KCNC4: variants seen among roughly 807,000 people sequenced by gnomAD.
KCNC4 encodes the protein voltage-gated potassium channel KCNC4.
Under a neutral mutation model 42.8 loss-of-function variants are expected in KCNC4, and 23 were observed. The ratio of observed to expected loss-of-function variants is 0.54; its 90% CI spans 0.39 to 0.76. The LOEUF is 0.76. Ranked by LOEUF, KCNC4 falls within the 30% of genes least tolerant of loss-of-function variation. KCNC4 has a pLI of 0.00. For synonymous variants in KCNC4, 422 were observed against 393.5 expected (o/e 1.07, Z -0.86); for missense variants, 751 against 898.2 (o/e 0.84, Z 2.10).
rs568825455 is a variant in KCNC4 at position 110,260,856 on chromosome 1, G to C, written n.31-21678G>C. Among the ~76,000 whole-genome samples the C allele has an allele frequency of 6.6e-5, 10 of 152,326 alleles. No homozygotes were observed. The East Asian group carries it at 1.2e-3, about 18-fold the overall frequency. Reference sequence around the variant, plus strand: ...GAGGGAGGAGAATGGTGTGAACCGGGGAGGCGGAGCTTGCAGTGAGCCGAG... The same window carrying C: ...GAGGGAGGAGAATGGTGTGAACCGGCGAGGCGGAGCTTGCAGTGAGCCGAG... On this transcript the variant is annotated intron_variant and non_coding_transcript_variant, in intron 1 of 2. Coordinates refer to the KCNC4 transcript ENST00000412512.
chr1:110,210,471 C>A lies in KCNC4; in HGVS notation c.-1029C>A, dbSNP rs918936621. ...GGCGCCCCGCCCGGAGATGGGCAGA[C>A]GCGTAGATGGCGTGGCTCCCAGCGC... On this transcript the variant is annotated 5_prime_UTR_variant, in exon 1 of 4. Coordinates refer to ENST00000438661, the MANE Select transcript of KCNC4 (RefSeq NM_001039574.3). Among the ~76,000 whole-genome samples, 37 of 151,374 alleles carry A rather than the reference C, an allele frequency of 2.4e-4. No individual in the cohort carries two copies. The highest frequency in any genetic ancestry group is 4.1e-4 in the Non-Finnish European group (28 of 67,758).
chr1:110,223,515 C>T lies in KCNC4; in HGVS notation c.1230C>T (p.Ser410=), dbSNP rs371173482. The change falls in exon 2 of 4, where the codon TCC becomes TCT. Residue 410 remains serine, a synonymous_variant. Coordinates refer to ENST00000438661, the MANE Select transcript of KCNC4 (RefSeq NM_001039574.3). The surrounding 1 kb of genome is among the most constrained non-coding windows in gnomAD (Gnocchi z 7.5). ...YYAERIGARP[S]DPRGNDHTDF... ...CTGAGCGCATTGGGGCCAGGCCCTC[C>T]GACCCTCGGGGTAATGACCACACCG... 41 of 1,613,790 alleles carry T rather than the reference C, an allele frequency of 2.5e-5. 1 individual carries two copies. The highest frequency in any genetic ancestry group is 1.4e-4 in the South Asian group (13 of 91,084).
chr1:110,237,003 C>T (rs866487900), downstream of KCNC4: 1 of 151,364 alleles, frequency 6.6e-6, no homozygotes, highest in African/African-American at 2.4e-5. Flanking sequence ...CTGTTGTTTC[C>T]CTTGCTATTA....
chr1:110,270,604 A>T (rs1659618499), intron 1 of KCNC4, among the ~76,000 whole-genome samples: 1 of 152,188 alleles, frequency 6.6e-6, no homozygotes, highest in Non-Finnish European at 1.5e-5. Flanking sequence ...ACAAACCAGG[A>T]GGCTGAGCGA....
intron 2 of KCNC4, chr1:110,282,725 C>T (rs17025579): frequency 0.023 from 3,484 of 152,314 alleles, 74 homozygotes; most frequent in South Asian, 0.069. Flanking sequence ...GGGGATGGCC[C>T]TTGCTTGGCT....
chr1:110,273,513 G>A (rs1659670094), intron 1 of KCNC4, among the ~76,000 whole-genome samples: 1 of 152,184 alleles, frequency 6.6e-6, no homozygotes, highest in Non-Finnish European at 1.5e-5. Flanking sequence ...GCCGAGCCTG[G>A]CACTCAAAAA....
intron 1 of KCNC4, among the ~76,000 whole-genome samples, chr1:110,257,551 T>C (rs974980856): frequency 1.2e-4 from 17 of 139,140 alleles, no homozygotes; most frequent in Non-Finnish European, 2.4e-4. Flanking sequence ...CTGTCTCTAC[T>C]AAAAATACAA....
chr1:110,271,223 G>GT (rs1213332387), intron 1 of KCNC4, among the ~76,000 whole-genome samples: 1 of 152,210 alleles, frequency 6.6e-6, no homozygotes, highest in Non-Finnish European at 1.5e-5. Flanking sequence ...ATTCCTGGAG[G>GT]TGAGTATAGC....
chr1:110,211,605 GAGA>G lies in KCNC4; in HGVS notation c.110_112del (p.Lys37del), dbSNP rs773807471. 6.2e-7 allele frequency: 1 copy of G among 1,614,062 alleles called. No homozygotes were observed. Among genetic ancestry groups the G allele is most frequent in the Admixed American group, 1.7e-5 (1 of 60,030 alleles). ...GGAGATGGCCAAGGGCGAGGCGTCG[GAGA>G]AGATCATCATCAACGTGGGCGGCAC... On this transcript the variant is annotated inframe_deletion, in exon 1 of 4. Transcript: ENST00000438661. The surrounding 1 kb of genome is among the most constrained non-coding windows in gnomAD (Gnocchi z 6.5).
intron 1 of KCNC4, among the ~76,000 whole-genome samples, chr1:110,218,776 G>A (rs962014022): frequency 6.6e-6 from 1 of 152,178 alleles, no homozygotes; most frequent in African/African-American, 2.4e-5. Context: ...ACATTTCTAG[G>A]GACAGTCCAA....
At chr1:110,228,584 G>A (rs961900535) in intron 3 of KCNC4, 2 of 152,708 alleles carry the variant, frequency 1.3e-5, no homozygotes, top group African/African-American at 2.4e-5. Context: ...GCTGGAACCA[G>A]CCTGGGGCTG....
chr1:110,218,857 A>G (rs1657945157), intron 1 of KCNC4, among the ~76,000 whole-genome samples: 1 of 152,168 alleles, frequency 6.6e-6, no homozygotes, highest in African/African-American at 2.4e-5. Context: ...TGAGTTTTCA[A>G]CAGGACACAG....
exon 4 of KCNC4, chr1:110,240,569 G>A (rs1271668289): frequency 6.6e-6 from 1 of 152,342 alleles, no homozygotes; most frequent in East Asian, 1.9e-4. Flanking sequence ...TTGGCTCAGA[G>A]ACAGGTGCCC....
At position 110,281,555 on chromosome 1, in the gene KCNC4, A is replaced by ACACACACACACACAC. The variant is rs71752517; in HGVS notation, n.31-979_31-978insCACACACACACACAC. ...TTATCTGACTCCCCACATATGTAAA[A>ACACACACACACACAC]ACACACACACACACACACACACACA... On this transcript the variant is annotated intron_variant and non_coding_transcript_variant, in intron 1 of 2. Transcript: ENST00000412512. 2.7e-3 allele frequency among the ~76,000 whole-genome samples: 377 copies of ACACACACACACACAC among 140,422 alleles called. 5 individuals carry two copies. The highest frequency in any genetic ancestry group is 9.1e-3 in the African/African-American group (339 of 37,080). 92.1% of individuals were successfully genotyped at this position (140,422 alleles called of 152,430 possible).
chr1:110,274,092 T>A (rs1659679202), intron 1 of KCNC4, among the ~76,000 whole-genome samples: 1 of 152,178 alleles, frequency 6.6e-6, no homozygotes, highest in Non-Finnish European at 1.5e-5. Flanking sequence ...TAGAAAGCCC[T>A]AAAGACTCCT....
chr1:110,250,540 A>G (rs1659232744), downstream of KCNC4, among the ~76,000 whole-genome samples: 1 of 152,254 alleles, frequency 6.6e-6, no homozygotes, highest in Non-Finnish European at 1.5e-5. Context: ...TTGGAGAAAT[A>G]TGCCTGCATG....
downstream of KCNC4, chr1:110,238,399 C>CT (rs1557867227): frequency 6.6e-6 from 1 of 152,238 alleles, no homozygotes; most frequent in Admixed American, 6.5e-5. Flanking sequence ...CTCACATACT[C>CT]TTTCCTGGGT....
At chr1:110,237,554 A>G (rs1465846424), downstream of KCNC4, 4 of 152,222 alleles carry the variant, frequency 2.6e-5, no homozygotes, top group East Asian at 7.7e-4. Flanking sequence ...GTGGATGATC[A>G]TGTGCTGCAC....
chr1:110,232,152 CA>C, intron 3 of KCNC4: 1 of 1,511,284 alleles, frequency 6.6e-7, no homozygotes, highest in South Asian at 1.2e-5. Context: ...GGTGGGATCC[CA>C]AAAGGGCTCT....
Sources: gnomAD v4.1 joint callset for allele counts (sites outside exome capture counted in the v4.1 genomes callset) on GRCh38, gnomAD v4.1.1 for gene constraint, Gnocchi (gnomAD v3.1) non-coding constraint, MANE v1.5 for transcripts, NCBI Gene and HGNC (gene_info 2026-07-23, HGNC 2026-07-21) for gene names.